FRY: variants seen among roughly 807,000 people sequenced by gnomAD.
The protein encoded by FRY is protein furry homolog.
Under a neutral mutation model 348.4 loss-of-function variants are expected in FRY, and 128 were observed. That is an observed-to-expected ratio of 0.37 (90% confidence interval 0.32 to 0.43). The LOEUF is 0.43. FRY is among the 20% of genes least tolerant of loss of function. FRY has a pLI of 1.00. For synonymous variants in FRY, 1,370 were observed against 1,374.7 expected (o/e 1.00, Z 0.08); for missense variants, 2,736 against 3,695.2 (o/e 0.74, Z 6.73).
At chr13:32,045,969 A>G (rs1294513016) in intron 1 of FRY, among the ~76,000 whole-genome samples, 2 of 152,206 alleles carry the variant, frequency 1.3e-5, no homozygotes, top group African/African-American at 4.8e-5. Context: ...AGAGGATACA[A>G]CTACTTATGA....
At chr13:32,253,323 A>ATCCATTGATTTTTGAAATC (rs1887176540) in intron 50 of FRY, among the ~76,000 whole-genome samples, 1 of 152,226 alleles carries the variant, frequency 6.6e-6, no homozygotes, top group Non-Finnish European at 1.5e-5. Flanking sequence ...TAGAGGAAAA[A>ATCCATTGATTTTTGAAATC]AGTACACTTG....
At chr13:32,124,049 G>A (rs1202167945) in intron 4 of FRY, among the ~76,000 whole-genome samples, 1 of 152,146 alleles carries the variant, frequency 6.6e-6, no homozygotes, top group Non-Finnish European at 1.5e-5. Context: ...TGTGGGCCAA[G>A]CTGTTCTCAA....
intron 2 of FRY, among the ~76,000 whole-genome samples, chr13:32,099,568 G>A (rs890133401): frequency 2.0e-5 from 3 of 151,996 alleles, no homozygotes; most frequent in African/African-American, 7.3e-5. Flanking sequence ...AATACAGTCA[G>A]CATAAAAGCT....
At position 32,083,918 on chromosome 13, in the gene FRY, G is replaced by A. The variant is rs146893815; in HGVS notation, c.270+4885G>A. Among the ~76,000 whole-genome samples the A allele has an allele frequency of 1.6e-4, 24 of 152,224 alleles. No homozygotes were observed. In the East Asian group the frequency reaches 4.1e-3, roughly 26 times the overall value. On this transcript the variant is annotated intron_variant, in intron 2 of 60. Coordinates refer to ENST00000542859, the MANE Select transcript of FRY (RefSeq NM_023037.3). ...TATCCCCCAGTTGACAATAAAGAAA[G>A]CCTCTAGGATAATGAAACAAACAGT... is the stretch of plus-strand genomic sequence containing the variant.
intron 2 of FRY, among the ~76,000 whole-genome samples, chr13:32,084,169 G>T (rs985903306): frequency 2.6e-5 from 4 of 152,134 alleles, no homozygotes; most frequent in African/African-American, 9.7e-5. Context: ...GATAGAGCCA[G>T]AGTTGGCCTT....
intron 11 of FRY, among the ~76,000 whole-genome samples, chr13:32,141,147 T>G (rs1459214910): frequency 6.6e-6 from 1 of 152,186 alleles, no homozygotes; most frequent in Non-Finnish European, 1.5e-5. Context: ...TAAAAATTAA[T>G]AATAAGATGA....
chr13:32,073,188 C>T (rs1277431403), intron 1 of FRY, among the ~76,000 whole-genome samples: 1 of 152,176 alleles, frequency 6.6e-6, no homozygotes, highest in African/African-American at 2.4e-5. Context: ...GAATGGAGTA[C>T]TTTGTACAGG....
intron 7 of FRY, among the ~76,000 whole-genome samples, chr13:32,125,721 G>A (rs1303206417): frequency 2.0e-5 from 3 of 152,078 alleles, no homozygotes; most frequent in Admixed American, 1.3e-4. Context: ...AATCTTACCT[G>A]GCCAAAACAT....
rs1355962887 is a variant in FRY, at chr13:32,079,032, T to C, written c.269T>C (p.Leu90Pro). The C allele has an allele frequency of 6.2e-7, 1 of 1,607,710 alleles. No individual in the cohort carries two copies. The highest frequency in any genetic ancestry group is 1.7e-5 in the Admixed American group (1 of 60,018). The change falls in exon 2 of 61, where the codon CTG (leucine) becomes CCG (proline). Residue 90 changes from leucine (L) to proline (P), a missense_variant and splice_region_variant. Leu to Pro is a moderately conservative substitution (Grantham distance 98). This residue lies in a region of FRY where 309 missense variants were observed against 418.1 expected (regional missense o/e 0.74). Coordinates refer to ENST00000542859, the MANE Select transcript of FRY (RefSeq NM_023037.3). ...ATTCGTATCATTATGGCAGAGCCCCTGGTGAGTACATGCCGTGGAAACTGC... is the reference window on the plus strand; with the variant it reads ...ATTCGTATCATTATGGCAGAGCCCCCGGTGAGTACATGCCGTGGAAACTGC... ...RKIRIIMAEP[L>P]EKPLTKSLQR...
At chr13:32,208,245 C>T (rs1339125521) in intron 31 of FRY, among the ~76,000 whole-genome samples, 1 of 152,202 alleles carries the variant, frequency 6.6e-6, no homozygotes, top group East Asian at 1.9e-4. Context: ...TTTTTAACAG[C>T]CAATGTTTCA....
chr13:32,097,849 T>C (rs1231215872), intron 2 of FRY, among the ~76,000 whole-genome samples: 2 of 152,060 alleles, frequency 1.3e-5, no homozygotes, highest in Non-Finnish European at 1.5e-5. Flanking sequence ...ATGATAATGT[T>C]TGAACAACAT....
chr13:32,154,571 T>G (rs1880989855), intron 14 of FRY, among the ~76,000 whole-genome samples: 1 of 152,222 alleles, frequency 6.6e-6, no homozygotes, highest in Admixed American at 6.5e-5. Context: ...CCCTGTAAAG[T>G]GGGAATACCT....
chr13:32,160,781 C>CCATTTCTAAATGCTGAATGAAATA (rs1881395856), intron 16 of FRY, among the ~76,000 whole-genome samples: 1 of 149,238 alleles, frequency 6.7e-6, no homozygotes, highest in East Asian at 2.0e-4. Context: ...TATATATACT[C>CCATTTCTAAATGCTGAATGAAATA]CATTTTTAAA....
intron 48 of FRY, among the ~76,000 whole-genome samples, chr13:32,247,858 C>T (rs1179703198): frequency 6.6e-6 from 1 of 152,194 alleles, no homozygotes; most frequent in Admixed American, 6.5e-5. Context: ...GAATGACAGC[C>T]AGTTCAGCAG....
At chr13:32,238,722 T>C (rs1403926087) in intron 44 of FRY, among the ~76,000 whole-genome samples, 2 of 152,186 alleles carry the variant, frequency 1.3e-5, no homozygotes, top group Non-Finnish European at 2.9e-5. Flanking sequence ...AGTCCTTGGA[T>C]TACAGGTGTG....
chr13:32,122,163 G>C (rs369303503), intron 4 of FRY, among the ~76,000 whole-genome samples: 160 of 152,234 alleles, frequency 1.1e-3, no homozygotes, highest in African/African-American at 3.7e-3. Context: ...CATTAGACAG[G>C]CCGGGCGCAG....
At chr13:32,228,368 C>A in intron 39 of FRY, 88 bp from the exon 40 acceptor site, 1 of 972,154 alleles carries the variant, frequency 1.0e-6, no homozygotes, top group South Asian at 1.3e-5. Flanking sequence ...TAACTCCACA[C>A]TTCCCTGCCC....
chr13:32,096,204 G>A (rs947321484), intron 2 of FRY, among the ~76,000 whole-genome samples: 2 of 152,052 alleles, frequency 1.3e-5, no homozygotes, highest in Admixed American at 1.3e-4. Context: ...CTATGTTGAT[G>A]CAAAGATAAT....
chr13:32,212,213 C>A, intron 34 of FRY, 79 bp from the exon 35 acceptor site: 1 of 791,744 alleles, frequency 1.3e-6, no homozygotes, highest in South Asian at 1.5e-5. Flanking sequence ...AAATCTTTCC[C>A]TGGAATTACT....
Sources: allele counts gnomAD v4.1 joint callset (sites outside exome capture counted in the v4.1 genomes callset), GRCh38; gene constraint gnomAD v4.1.1; regional missense constraint gnomAD v4.1.1; transcripts MANE v1.5; gene names NCBI Gene and HGNC (gene_info 2026-07-23, HGNC 2026-07-21).